The following SNTG1 variants were observed in gnomAD, a reference collection of about 807,000 sequenced individuals.
SNTG1 encodes syntrophin gamma 1, also known as gamma-1-syntrophin.
Under a neutral mutation model 74.7 loss-of-function variants are expected in SNTG1, and 39 were observed. The observed-to-expected ratio is 0.52, with a 90% CI of 0.40 to 0.68. The LOEUF is 0.68. Among genes scored for constraint, SNTG1 ranks in the 30% least tolerant of loss-of-function variants. SNTG1 has a pLI of 0.00. For synonymous variants in SNTG1, 254 were observed against 217.1 expected (o/e 1.17, Z -1.49); for missense variants, 685 against 609.5 (o/e 1.12, Z -1.30).
At chr8:50,636,607 C>T (rs2095041018) in intron 13 of SNTG1, among the ~76,000 whole-genome samples, 1 of 152,148 alleles carries the variant, frequency 6.6e-6, no homozygotes, top group Admixed American at 6.5e-5. Flanking sequence ...AGCACAGATT[C>T]TCTCCTCTTG....
rs368953744 is a variant in SNTG1 at position 50,169,874 on chromosome 8, G to C, written c.-102-2687G>C. ...GAGGATCACTGGAGCCGAGGAGTTA[G>C]AGGCTGCAGTGAGTTATGCACTGAG... is the stretch of plus-strand genomic sequence containing the variant. On this transcript the variant is annotated intron_variant, in intron 1 of 18. Coordinates refer to ENST00000642720, the MANE Select transcript of SNTG1 (RefSeq NM_018967.5). Among the ~76,000 whole-genome samples, 37 of 152,276 alleles carry C rather than the reference G, an allele frequency of 2.4e-4. No individual in the cohort carries two copies. The South Asian group carries it at 5.4e-3, about 22-fold the overall frequency.
intron 15 of SNTG1, among the ~76,000 whole-genome samples, chr8:50,679,924 A>T: frequency 6.6e-6 from 1 of 152,150 alleles, no homozygotes. Context: ...TAAGGCTACT[A>T]CTCAGTGGTA....
At chr8:50,199,410 G>A (rs2083901738) in intron 2 of SNTG1, among the ~76,000 whole-genome samples, 1 of 151,934 alleles carries the variant, frequency 6.6e-6, no homozygotes, top group African/African-American at 2.4e-5. Flanking sequence ...TAAAGACAGT[G>A]TTTCACCATG....
At chr8:50,221,255 A>G (rs908970944) in intron 2 of SNTG1, among the ~76,000 whole-genome samples, 3 of 152,092 alleles carry the variant, frequency 2.0e-5, no homozygotes, top group Non-Finnish European at 2.9e-5. Flanking sequence ...AGAGAAATGT[A>G]TAGCCTTTAA....
In SNTG1 at chr8:50,708,016, G is replaced by A. The variant is rs1418080878; in HGVS notation, c.1192-870G>A. 3 of 313,622 alleles carry A rather than the reference G, an allele frequency of 9.6e-6. No homozygotes were observed. In the Admixed American group the frequency reaches 1.5e-4, roughly 16 times the overall value. The allele number at this position is 313,622 out of a possible 1,614,324, so 19.4% of individuals were successfully genotyped here. A position where few individuals can be genotyped will look rare whatever the true frequency, so the allele number is the denominator to read the frequency against. ...AGGCGTTCGAGACCAGCCCAGCCAA[G>A]ATGGTGAAACCCCGTCTCTACTAAA... On this transcript the variant is annotated intron_variant, in intron 16 of 18. Coordinates refer to ENST00000642720, the MANE Select transcript of SNTG1 (RefSeq NM_018967.5).
intron 2 of SNTG1, among the ~76,000 whole-genome samples, chr8:50,205,505 T>C (rs1563737081): frequency 6.6e-6 from 1 of 152,224 alleles, no homozygotes; most frequent in Non-Finnish European, 1.5e-5. Flanking sequence ...GCAAAAATTT[T>C]CTCCCATTCT....
intron 15 of SNTG1, among the ~76,000 whole-genome samples, chr8:50,658,997 A>G (rs1585986560): frequency 6.6e-6 from 1 of 151,516 alleles, no homozygotes; most frequent in South Asian, 2.1e-4. Context: ...GGTTGTTACC[A>G]TGTTTTTTTT....
At chr8:50,764,918 A>T (rs1016788047) in intron 18 of SNTG1, among the ~76,000 whole-genome samples, 2 of 152,064 alleles carry the variant, frequency 1.3e-5, no homozygotes, top group African/African-American at 4.8e-5. Context: ...AAAATATGGT[A>T]TATGTATACA....
rs1016974338 is a variant in SNTG1 at position 50,708,941 on chromosome 8, T to C, written c.1247T>C (p.Phe416Ser). Residue 416 changes from phenylalanine (F) to serine (S), a missense_variant, in exon 17 of 19, where the codon TTC becomes TCC. By Grantham distance (155) the Phe-to-Ser change is radical. Transcript: ENST00000642720. ...CATCTAATGGGACTCACAATTGATT[T>C]CAGCACAGGATTTATCTGCTTTGAT... The part of the protein sequence containing the change: ...ESHLMGLTID[F>S]STGFICFDAA... 6.2e-7 allele frequency: 1 copy of C among 1,613,784 alleles called. No homozygotes were observed. The highest frequency in any genetic ancestry group is 1.3e-5 in the African/African-American group (1 of 74,934).
intron 1 of SNTG1, among the ~76,000 whole-genome samples, chr8:49,926,194 G>A (rs946673524): frequency 3.9e-5 from 6 of 152,086 alleles, no homozygotes; most frequent in Middle Eastern, 3.4e-3. Flanking sequence ...CACAAGTATC[G>A]ATTTTCTAAG....
chr8:50,287,828 T>C (rs138289248), intron 2 of SNTG1, among the ~76,000 whole-genome samples: 3 of 152,234 alleles, frequency 2.0e-5, no homozygotes, highest in Non-Finnish European at 4.4e-5. Flanking sequence ...ATACCATGTT[T>C]TAAAAAAATA....
chr8:50,780,139 A>C (rs1253521327), intron 18 of SNTG1, among the ~76,000 whole-genome samples: 1 of 152,202 alleles, frequency 6.6e-6, no homozygotes, highest in Non-Finnish European at 1.5e-5. Context: ...ATCAATGTTC[A>C]TCAAGGATAT....
intron 15 of SNTG1, among the ~76,000 whole-genome samples, chr8:50,701,781 C>CTTCTTT (rs1563761925): frequency 9.7e-5 from 14 of 144,150 alleles, no homozygotes; most frequent in African/African-American, 3.2e-4. Flanking sequence ...TCTTTCTCTT[C>CTTCTTT]CTCTTCCTCC....
chr8:50,171,553 C>T (rs966498484), intron 1 of SNTG1, among the ~76,000 whole-genome samples: 8 of 152,288 alleles, frequency 5.3e-5, no homozygotes, highest in African/African-American at 7.2e-5. Flanking sequence ...AAATGTTAAT[C>T]TACTTTGGCA....
intron 15 of SNTG1, among the ~76,000 whole-genome samples, chr8:50,683,809 G>A (rs1184410824): frequency 6.6e-6 from 1 of 152,184 alleles, no homozygotes; most frequent in African/African-American, 2.4e-5. Flanking sequence ...TGTGAGGAAG[G>A]TCCAGTCATT....
Position 50,560,031 on chromosome 8 carries a change from C to T in SNTG1, c.810+6852C>T, listed in dbSNP as rs1400285108. On this transcript the variant is annotated intron_variant, in intron 12 of 18. Transcript: ENST00000642720. ...AGTAACTTAAACACATTTACAAGAA[C>T]AAAAATACGTTAAAAAGTGGGCAAA... 4.0e-5 allele frequency among the ~76,000 whole-genome samples: 6 copies of T among 151,774 alleles called. No individual in the cohort carries two copies. In the East Asian group the frequency reaches 5.8e-4, roughly 15 times the overall value.
At chr8:50,584,035 T>C (rs2094630146) in intron 12 of SNTG1, among the ~76,000 whole-genome samples, 1 of 152,098 alleles carries the variant, frequency 6.6e-6, no homozygotes, top group African/African-American at 2.4e-5. Flanking sequence ...TGGTTTTCTG[T>C]CCTTGCAATA....
intron 8 of SNTG1, among the ~76,000 whole-genome samples, chr8:50,461,590 G>A (rs978743195): frequency 2.6e-5 from 4 of 152,070 alleles, no homozygotes; most frequent in African/African-American, 7.2e-5. Context: ...ACTTTGGGAT[G>A]TAATCCAATA....
intron 3 of SNTG1, among the ~76,000 whole-genome samples, chr8:50,400,968 A>G (rs2092796666): frequency 1.3e-5 from 2 of 152,152 alleles, no homozygotes. Context: ...CTCACAACAC[A>G]TATATTATTA....
Sources: allele counts gnomAD v4.1 joint callset (sites outside exome capture counted in the v4.1 genomes callset), GRCh38; gene constraint gnomAD v4.1.1; transcripts MANE v1.5; gene names NCBI Gene and HGNC (gene_info 2026-07-23, HGNC 2026-07-21).